Variants in KCNQ1OT1 observed in about 807,000 individuals in gnomAD.
The protein encoded by KCNQ1OT1 is KCNQ1 opposite strand/antisense transcript 1.
Position 2,664,253 on chromosome 11 carries a change from G to A in KCNQ1OT1, n.35742C>T. On this transcript the variant is annotated non_coding_transcript_exon_variant, in exon 1 of 1. Transcript: ENST00000597346. This position sits in a 1 kb window ranked among gnomAD's most constrained non-coding sequence, Gnocchi z 5.1. The stretch of plus-strand genomic sequence containing the variant: ...GAGGGATCTGAAGAGGGGACTGGGA[G>A]AGGGAAAAACAAGGAGGTTGCTGCA... 2 of 399,086 alleles carry A rather than the reference G, an allele frequency of 5.0e-6. No homozygotes were observed. The highest frequency in any genetic ancestry group is 4.4e-6 in the Non-Finnish European group (1 of 226,422). 24.7% of individuals were successfully genotyped at this position (399,086 alleles called of 1,614,324 possible).
chr11:2,675,311 G>C (rs1177680818), exon 1 of KCNQ1OT1: 1 of 398,482 alleles, frequency 2.5e-6, no homozygotes, highest in Non-Finnish European at 4.4e-6. Flanking sequence ...TATAAAACAT[G>C]AAAGTGGGAT....
rs1590037067 is a variant in KCNQ1OT1 at position 2,694,024 on chromosome 11, C to T, written n.5971G>A. ...TAGGCCACCTCCAACTTGGTCAAGC[C>T]ACAGGTGCCCATGCCATAGATGGCT... is the stretch of plus-strand genomic sequence containing the variant. On this transcript the variant is annotated non_coding_transcript_exon_variant, in exon 1 of 1. Coordinates refer to ENST00000597346, the Ensembl canonical transcript of KCNQ1OT1. 1.8e-5 allele frequency: 7 copies of T among 398,722 alleles called. No individual in the cohort carries two copies. The East Asian group carries it at 2.5e-4, about 14-fold the overall frequency. 24.7% of individuals were successfully genotyped at this position (398,722 alleles called of 1,614,324 possible).
chr11:2,690,695 T>C lies in KCNQ1OT1; in HGVS notation n.9300A>G, dbSNP rs759536527. 2.5e-5 allele frequency: 10 copies of C among 398,548 alleles called. No individual in the cohort carries two copies. Among genetic ancestry groups the C allele is most frequent in the Non-Finnish European group, 3.5e-5 (8 of 226,096 alleles). 24.7% of individuals were successfully genotyped at this position (398,548 alleles called of 1,614,324 possible). A position where few individuals can be genotyped will look rare whatever the true frequency, so the allele number is the denominator to read the frequency against. The stretch of plus-strand genomic sequence containing the variant: ...TAGGTATAGGGGCTGTCTCTCAGAA[T>C]TCCTGAGGGCTTTCCATTTGATCCC... On this transcript the variant is annotated non_coding_transcript_exon_variant, in exon 1 of 1. Coordinates refer to ENST00000597346, the Ensembl canonical transcript of KCNQ1OT1. The surrounding 1 kb of genome is among the most constrained non-coding windows in gnomAD (Gnocchi z 5.1).
chr11:2,625,549 T>C, exon 1 of KCNQ1OT1: 1 of 397,952 alleles, frequency 2.5e-6, no homozygotes, highest in Non-Finnish European at 4.4e-6. Context: ...ATATCTTCTT[T>C]GGAGATACGT....
In KCNQ1OT1 at chr11:2,624,865, C is replaced by T. The variant is rs554980177; in HGVS notation, n.75130G>A. The T allele has an allele frequency of 7.0e-5, 28 of 398,428 alleles. No homozygotes were observed. The highest frequency in any genetic ancestry group is 1.2e-4 in the Non-Finnish European group (27 of 226,066). 24.7% of individuals were successfully genotyped at this position (398,428 alleles called of 1,614,324 possible). A position where few individuals can be genotyped will look rare whatever the true frequency, so the allele number is the denominator to read the frequency against. ...TTCTCTTCTTGTGACTGCTGTATTT[C>T]ATTTAACATAATGGCCTCGAGGTTC... On this transcript the variant is annotated non_coding_transcript_exon_variant, in exon 1 of 1. Transcript: ENST00000597346. This position sits in a 1 kb window ranked among gnomAD's most constrained non-coding sequence, Gnocchi z 4.9.
chr11:2,622,355 T>C, exon 1 of KCNQ1OT1: 1 of 398,362 alleles, frequency 2.5e-6, no homozygotes. Context: ...CTTTTATTAG[T>C]ATAATTACCT....
exon 1 of KCNQ1OT1, chr11:2,628,270 C>G: frequency 7.5e-6 from 3 of 398,560 alleles, no homozygotes; most frequent in Admixed American, 4.4e-5. Flanking sequence ...ATAAGGGACA[C>G]CTTTTCTCCA....
rs139249507 is a variant in KCNQ1OT1, at chr11:2,680,206, T to TAA, written n.19787_19788dup. On this transcript the variant is annotated non_coding_transcript_exon_variant, in exon 1 of 1. Coordinates refer to ENST00000597346, the Ensembl canonical transcript of KCNQ1OT1. The stretch of plus-strand genomic sequence containing the variant: ...TGCACCTGGCCTCAGCTTGCCTAAT[T>TAA]AAAAAAAAAAAAAAAAAAAAAGTTG... 1.7e-3 allele frequency: 612 copies of TAA among 361,258 alleles called. No individual in the cohort carries two copies. Among genetic ancestry groups the TAA allele is most frequent in the Middle Eastern group, 4.1e-3 (6 of 1,476 alleles). 22.4% of individuals were successfully genotyped at this position (361,258 alleles called of 1,614,324 possible). A position where few individuals can be genotyped will look rare whatever the true frequency, so the allele number is the denominator to read the frequency against.
At position 2,653,957 on chromosome 11, in the gene KCNQ1OT1, G is replaced by A. The variant is rs1197148247; in HGVS notation, n.46038C>T. ...CTGCTGGCAGGCAAAAACAACAGGT[G>A]TCCACTCAAGCAAGGTATTTTCCTA... On this transcript the variant is annotated non_coding_transcript_exon_variant, in exon 1 of 1. Transcript: ENST00000597346. The surrounding 1 kb of genome is among the most constrained non-coding windows in gnomAD (Gnocchi z 5.3). 1 of 398,676 alleles carries A rather than the reference G, an allele frequency of 2.5e-6. No individual in the cohort carries two copies. The highest frequency in any genetic ancestry group is 4.4e-6 in the Non-Finnish European group (1 of 226,096). 24.7% of individuals were successfully genotyped at this position (398,676 alleles called of 1,614,324 possible).
chr11:2,612,114 G>A lies in KCNQ1OT1; in HGVS notation n.87881C>T. The A allele has an allele frequency of 2.5e-6, 1 of 398,620 alleles. No homozygotes were observed. The highest frequency in any genetic ancestry group is 4.4e-6 in the Non-Finnish European group (1 of 226,060). 24.7% of individuals were successfully genotyped at this position (398,620 alleles called of 1,614,324 possible). On this transcript the variant is annotated non_coding_transcript_exon_variant, in exon 1 of 1. Transcript: ENST00000597346. The surrounding 1 kb of genome is among the most constrained non-coding windows in gnomAD (Gnocchi z 5.5). ...GTTAGGACAGGGGTTCCCAACCCCA[G>A]GGCCATGGACTGGTACCAGTCTGTG...
rs149658888 is a variant in KCNQ1OT1 at position 2,660,870 on chromosome 11, A to G, written n.39125T>C. On this transcript the variant is annotated non_coding_transcript_exon_variant, in exon 1 of 1. Coordinates refer to ENST00000597346, the Ensembl canonical transcript of KCNQ1OT1. ...AGTATGTCAGCTTTTAAGAATAAAG[A>G]TGAATATGGCATCATAGTCTGAATA... 2,014 of 398,680 alleles carry G rather than the reference A, an allele frequency of 5.1e-3. 8 individuals carry two copies. The highest frequency in any genetic ancestry group is 7.0e-3 in the Non-Finnish European group (1,573 of 226,076). The allele number at this position is 398,680 out of a possible 1,614,324, so 24.7% of individuals were successfully genotyped here. A position where few individuals can be genotyped will look rare whatever the true frequency, so the allele number is the denominator to read the frequency against.
At position 2,651,062 on chromosome 11, in the gene KCNQ1OT1, T is replaced by G; in HGVS notation, n.48933A>C. On this transcript the variant is annotated non_coding_transcript_exon_variant, in exon 1 of 1. Coordinates refer to ENST00000597346, the Ensembl canonical transcript of KCNQ1OT1. This position sits in a 1 kb window ranked among gnomAD's most constrained non-coding sequence, Gnocchi z 6.1. Reference sequence around the variant, plus strand: ...ACCACCATTTCTCTGCCTACATTGTTGTCCATACCTCATTACTGGTCTCTT... The same window carrying G: ...ACCACCATTTCTCTGCCTACATTGTGGTCCATACCTCATTACTGGTCTCTT... 2.5e-6 allele frequency: 1 copy of G among 398,852 alleles called. No homozygotes were observed. The highest frequency in any genetic ancestry group is 4.4e-6 in the Non-Finnish European group (1 of 226,202). 24.7% of individuals were successfully genotyped at this position (398,852 alleles called of 1,614,324 possible). A position where few individuals can be genotyped will look rare whatever the true frequency, so the allele number is the denominator to read the frequency against.
Position 2,620,973 on chromosome 11 carries a change from T to G in KCNQ1OT1, n.79022A>C, listed in dbSNP as rs1391669577. 2.0e-5 allele frequency: 8 copies of G among 395,344 alleles called. No homozygotes were observed. The highest frequency in any genetic ancestry group is 3.1e-5 in the Non-Finnish European group (7 of 224,348). The allele number at this position is 395,344 out of a possible 1,614,324, so 24.5% of individuals were successfully genotyped here. Reference sequence around the variant, plus strand: ...GTTTTTTTTTGTCTGTTTTTTGCTTTTTTGTTTGTTTGTTTGTTTTTTGAG... The same window carrying G: ...GTTTTTTTTTGTCTGTTTTTTGCTTGTTTGTTTGTTTGTTTGTTTTTTGAG... On this transcript the variant is annotated non_coding_transcript_exon_variant, in exon 1 of 1. Coordinates refer to ENST00000597346, the Ensembl canonical transcript of KCNQ1OT1. This position sits in a 1 kb window ranked among gnomAD's most constrained non-coding sequence, Gnocchi z 4.5.
At position 2,681,283 on chromosome 11, in the gene KCNQ1OT1, C is replaced by T. The variant is rs231358; in HGVS notation, n.18712G>A. 0.59 allele frequency: 234,692 copies of T among 398,146 alleles called. 74,421 individuals are homozygous for T. Among genetic ancestry groups the T allele is most frequent in the East Asian group, 0.99 (27,839 of 28,014 alleles). The allele number at this position is 398,146 out of a possible 1,614,324, so 24.7% of individuals were successfully genotyped here. A position where few individuals can be genotyped will look rare whatever the true frequency, so the allele number is the denominator to read the frequency against. On this transcript the variant is annotated non_coding_transcript_exon_variant, in exon 1 of 1. Coordinates refer to ENST00000597346, the Ensembl canonical transcript of KCNQ1OT1. The stretch of plus-strand genomic sequence containing the variant: ...GAGAGAGCTTCACTTTCTCCCTATA[C>T]CTTCCTGTCCTACCAGCCCACCTGG...
chr11:2,672,859 T>C (rs934514556), exon 1 of KCNQ1OT1: 2 of 398,636 alleles, frequency 5.0e-6, no homozygotes, highest in Admixed American at 4.4e-5. Context: ...TTCTTGAGTG[T>C]CATACCCTAG....
chr11:2,631,415 C>T, exon 1 of KCNQ1OT1: 1 of 398,452 alleles, frequency 2.5e-6, no homozygotes, highest in Non-Finnish European at 4.4e-6. Context: ...TTCTTCACCT[C>T]CAAAATGTTT....
At position 2,674,262 on chromosome 11, in the gene KCNQ1OT1, C is replaced by T. The variant is rs117184291; in HGVS notation, n.25733G>A. On this transcript the variant is annotated non_coding_transcript_exon_variant, in exon 1 of 1. Transcript: ENST00000597346. This position sits in a 1 kb window ranked among gnomAD's most constrained non-coding sequence, Gnocchi z 5.9. ...AGAGCTGGAGGCCCCTCTCTCCCAG[C>T]CCCCGGCACACACACTAGGACCTTT... The T allele has an allele frequency of 6.6e-4, 264 of 398,670 alleles. 2 individuals carry two copies. In the East Asian group the frequency reaches 8.8e-3, roughly 13 times the overall value. 24.7% of individuals were successfully genotyped at this position (398,670 alleles called of 1,614,324 possible).
rs1256042214 is a variant in KCNQ1OT1, at chr11:2,652,191, A to G, written n.47804T>C. On this transcript the variant is annotated non_coding_transcript_exon_variant, in exon 1 of 1. Transcript: ENST00000597346. This position sits in a 1 kb window ranked among gnomAD's most constrained non-coding sequence, Gnocchi z 5.9. ...GGGTGGGGCCCCAGCAGATGTCTGG[A>G]TTTGGTAGCCAGGGCCTGGAGCCGG... 2.5e-6 allele frequency: 1 copy of G among 398,550 alleles called. No individual in the cohort carries two copies. Among genetic ancestry groups the G allele is most frequent in the Non-Finnish European group, 4.4e-6 (1 of 226,086 alleles). The allele number at this position is 398,550 out of a possible 1,614,324, so 24.7% of individuals were successfully genotyped here. A position where few individuals can be genotyped will look rare whatever the true frequency, so the allele number is the denominator to read the frequency against.
At chr11:2,667,086 C>T (rs1850087759) in exon 1 of KCNQ1OT1, 1 of 398,482 alleles carries the variant, frequency 2.5e-6, no homozygotes, top group Non-Finnish European at 4.4e-6. Context: ...ATTAAATGTT[C>T]TTCTAATTAA....
Sources: gnomAD v4.1 joint callset for allele counts on GRCh38, gnomAD v4.1.1 for gene constraint, Gnocchi (gnomAD v3.1) non-coding constraint, MANE v1.5 for transcripts, NCBI Gene and HGNC (gene_info 2026-07-23, HGNC 2026-07-21) for gene names.